MKLN1: variants seen among roughly 807,000 people sequenced by gnomAD.
MKLN1 encodes the protein muskelin.
MKLN1 carries 18 observed loss-of-function variants against 99.0 expected under a neutral mutation model. The observed-to-expected ratio is 0.18, with a 90% CI of 0.13 to 0.27. The LOEUF is 0.27. Ranked by LOEUF, MKLN1 falls within the 10% of genes least tolerant of loss-of-function variation. MKLN1 has a pLI of 1.00. For synonymous variants in MKLN1, 288 were observed against 293.2 expected (o/e 0.98, Z 0.18); for missense variants, 621 against 875.9 (o/e 0.71, Z 3.67).
At chr7:131,472,516 C>T (rs1420041267) in intron 16 of MKLN1, among the ~76,000 whole-genome samples, 1 of 152,036 alleles carries the variant, frequency 6.6e-6, no homozygotes, top group Non-Finnish European at 1.5e-5. Flanking sequence ...CACCAGCTTC[C>T]ATTCCATTTC....
chr7:131,172,967 T>C (rs1796238207), intron 2 of MKLN1, among the ~76,000 whole-genome samples: 1 of 152,208 alleles, frequency 6.6e-6, no homozygotes, highest in African/African-American at 2.4e-5. Context: ...TAGAAGTTGA[T>C]TAAAAATTAC....
At chr7:131,168,363 C>T (rs889299891) in intron 2 of MKLN1, among the ~76,000 whole-genome samples, 1 of 152,008 alleles carries the variant, frequency 6.6e-6, no homozygotes, top group African/African-American at 2.4e-5. Flanking sequence ...CTGTGTCTGC[C>T]TGATTATGAA....
rs771588347 is a variant in MKLN1, at chr7:131,443,664, A to G, written c.1357A>G (p.Ile453Val). The change falls in exon 11 of 18, where the codon ATC becomes GTC. Residue 453 changes from isoleucine (I) to valine (V), a missense_variant. Physicochemically the swap from Ile to Val is conservative, Grantham distance 29. Transcript: ENST00000352689. ...CTCCTGTAATGCTGGGCCTGAGGAC[A>G]TCCAGTCTCGAATAGGACACTGCAT... ...EDSCNAGPED[I>V]QSRIGHCMLF... The G allele has an allele frequency of 6.2e-7, 1 of 1,614,076 alleles. No homozygotes were observed. Among genetic ancestry groups the G allele is most frequent in the East Asian group, 2.2e-5 (1 of 44,880 alleles).
At chr7:131,209,858 A>C (rs189797989) in intron 3 of MKLN1, among the ~76,000 whole-genome samples, 262 of 152,254 alleles carry the variant, frequency 1.7e-3, no homozygotes, top group Non-Finnish European at 2.0e-3. Flanking sequence ...ATACCATCGC[A>C]ATAGTTGGAC....
Position 131,127,433 on chromosome 7 carries a change from C to G in MKLN1, c.-418-15387C>G, listed in dbSNP as rs1795481988. 2.6e-5 allele frequency among the ~76,000 whole-genome samples: 4 copies of G among 152,116 alleles called. No homozygotes were observed. The South Asian group carries it at 8.3e-4, about 32-fold the overall frequency. On this transcript the variant is annotated intron_variant, in intron 1 of 7. Coordinates refer to the MKLN1 transcript ENST00000416992. ...AGTGCAGCAAATATTAGAGACAGGA[C>G]AAGAAGGAAAAACTGATCAAAACCT...
At chr7:131,259,418 T>C (rs945901473) in intron 3 of MKLN1, among the ~76,000 whole-genome samples, 1 of 152,226 alleles carries the variant, frequency 6.6e-6, no homozygotes. Context: ...CCACATATTC[T>C]TCATCTTTCC....
At chr7:131,234,227 G>T (rs955520732) in intron 3 of MKLN1, among the ~76,000 whole-genome samples, 15 of 152,134 alleles carry the variant, frequency 9.9e-5, no homozygotes, top group Non-Finnish European at 1.9e-4. Flanking sequence ...TGATCCGCCT[G>T]CCTCGGCCTC....
intron 3 of MKLN1, among the ~76,000 whole-genome samples, chr7:131,315,900 G>A (rs942494266): frequency 5.9e-5 from 9 of 152,154 alleles, no homozygotes; most frequent in Non-Finnish European, 1.2e-4. Context: ...CCCCAGTCAG[G>A]GGCTTACAGA....
intron 2 of MKLN1, among the ~76,000 whole-genome samples, chr7:131,156,941 C>T (rs181562605): frequency 1.9e-3 from 285 of 152,174 alleles, no homozygotes; most frequent in East Asian, 9.6e-4. Flanking sequence ...ATGTCAGACT[C>T]AAGATTTGAA....
chr7:131,387,179 T>C lies in MKLN1; in HGVS notation c.228T>C (p.Tyr76=), dbSNP rs760934226. ...TTCAGAATATCACATTTGGAAAATA[T>C]GAGAAAACTCATGTTTGCAATTTGA... ...AIVQNITFGK[Y]EKTHVCNLKK... The change falls in exon 3 of 18, where the codon TAT becomes TAC. Residue 76 remains tyrosine (Y), a synonymous_variant. Coordinates refer to ENST00000352689, the MANE Select transcript of MKLN1 (RefSeq NM_013255.5). 2 of 1,612,680 alleles carry C rather than the reference T, an allele frequency of 1.2e-6. No individual in the cohort carries two copies. The highest frequency in any genetic ancestry group is 1.7e-6 in the Non-Finnish European group (2 of 1,179,288).
chr7:131,269,056 A>T (rs1427911606), intron 3 of MKLN1, among the ~76,000 whole-genome samples: 1 of 152,236 alleles, frequency 6.6e-6, no homozygotes, highest in Non-Finnish European at 1.5e-5. Context: ...ACACACTTGC[A>T]TGTTGCTCTT....
intron 1 of MKLN1, among the ~76,000 whole-genome samples, chr7:131,335,112 T>G (rs1799214232): frequency 6.6e-6 from 1 of 152,186 alleles, no homozygotes; most frequent in Admixed American, 6.5e-5. Context: ...CCAGCAGTAT[T>G]AAAATCTATT....
intron 3 of MKLN1, among the ~76,000 whole-genome samples, chr7:131,309,533 C>G (rs902222887): frequency 6.6e-6 from 1 of 151,892 alleles, no homozygotes; most frequent in Non-Finnish European, 1.5e-5. Context: ...CTGCCTCAGA[C>G]TCCCAAGTAG....
intron 3 of MKLN1, among the ~76,000 whole-genome samples, chr7:131,269,043 C>A (rs780286170): frequency 6.6e-6 from 1 of 152,138 alleles, no homozygotes; most frequent in African/African-American, 2.4e-5. Flanking sequence ...TTGTAAGTTG[C>A]GAACACACTT....
At chr7:131,124,801 G>A (rs1218548348) in intron 1 of MKLN1, among the ~76,000 whole-genome samples, 1 of 152,194 alleles carries the variant, frequency 6.6e-6, no homozygotes, top group Non-Finnish European at 1.5e-5. Context: ...CATCTTTGCA[G>A]AGGGCTGTAT....
At chr7:131,136,402 G>T (rs973085597) in intron 1 of MKLN1, among the ~76,000 whole-genome samples, 3 of 152,130 alleles carry the variant, frequency 2.0e-5, no homozygotes, top group African/African-American at 7.2e-5. Context: ...CCAAGTGGTC[G>T]CCTAGATTTG....
chr7:131,153,623 T>A (rs760868386), intron 2 of MKLN1, among the ~76,000 whole-genome samples: 64 of 151,380 alleles, frequency 4.2e-4, no homozygotes, highest in Admixed American at 2.2e-3. Flanking sequence ...CTACACACAA[T>A]GGAGTCTGTG....
At chr7:131,241,673 CA>C (rs1455770651) in intron 3 of MKLN1, among the ~76,000 whole-genome samples, 5 of 152,182 alleles carry the variant, frequency 3.3e-5, no homozygotes, top group African/African-American at 1.2e-4. Flanking sequence ...AAAACAAAAA[CA>C]AAAACTCCTT....
At chr7:131,188,009 C>T (rs1042521715) in intron 2 of MKLN1, among the ~76,000 whole-genome samples, 3 of 151,698 alleles carry the variant, frequency 2.0e-5, no homozygotes, top group Admixed American at 2.0e-4. Context: ...AGATTCTTCT[C>T]TTCTAATCTG....
Sources: allele counts gnomAD v4.1 joint callset (sites outside exome capture counted in the v4.1 genomes callset), GRCh38; gene constraint gnomAD v4.1.1; transcripts MANE v1.5; gene names NCBI Gene and HGNC (gene_info 2026-07-23, HGNC 2026-07-21).